The following C11orf65 variants were observed in gnomAD, a reference collection of about 807,000 sequenced individuals.
C11orf65 encodes chromosome 11 open reading frame 65.
A neutral mutation model predicts 35.3 loss-of-function variants in C11orf65; 38 were observed. The observed-to-expected ratio is 1.08, with a 90% CI of 0.83 to 1.41. The LOEUF is 1.41. C11orf65 is among the 40% of genes most tolerant of loss of function. The pLI, the probability that C11orf65 is intolerant of heterozygous loss-of-function variation, is 0.00. For missense variants in C11orf65, 370 were observed against 367.1 expected (o/e 1.01, Z -0.06); for synonymous variants, 105 against 114.4 (o/e 0.92, Z 0.53).
intron 2 of C11orf65, chr11:108,368,338 G>A (rs2091439851): frequency 4.9e-6 from 1 of 202,470 alleles, no homozygotes; most frequent in Non-Finnish European, 1.0e-5. Flanking sequence ...TTCTGCAAAT[G>A]ACTAAGATAG....
intron 2 of C11orf65, among the ~76,000 whole-genome samples, chr11:108,452,897 A>T (rs2093366909): frequency 6.6e-6 from 1 of 151,454 alleles, no homozygotes; most frequent in South Asian, 2.1e-4. Context: ...AACTATCACA[A>T]GGACAGAAAA....
chr11:108,446,822 A>T (rs2093269261), intron 2 of C11orf65, among the ~76,000 whole-genome samples: 1 of 152,206 alleles, frequency 6.6e-6, no homozygotes, highest in Non-Finnish European at 1.5e-5. Flanking sequence ...GCTCCAATTA[A>T]AAGACACAGA....
In C11orf65 at chr11:108,366,735, C is replaced by T. The variant is rs187308124; in HGVS notation, c.226+26473G>A. On this transcript the variant is annotated intron_variant, in intron 2 of 3. Transcript: ENST00000524755. ...GGCCAAGGCAAACACACTTCCTCCT[C>T]ATCTCCTTGTGCTAGTGGGCAGAAT... is the stretch of plus-strand genomic sequence containing the variant. 2.2e-5 allele frequency: 5 copies of T among 231,190 alleles called. No individual in the cohort carries two copies. The East Asian group carries it at 3.1e-4, about 14-fold the overall frequency. The allele number at this position is 231,190 out of a possible 1,614,324, so 14.3% of individuals were successfully genotyped here. A position where few individuals can be genotyped will look rare whatever the true frequency, so the allele number is the denominator to read the frequency against.
chr11:108,368,288 CAA>C (rs765253087), intron 2 of C11orf65: 1,299 of 95,504 alleles, frequency 0.014, no homozygotes, highest in Middle Eastern at 0.039. Flanking sequence ...GACTCTGCCT[CAA>C]AAAAAAAAAA....
chr11:108,425,579 C>T (rs911563773), intron 3 of C11orf65, among the ~76,000 whole-genome samples: 5 of 152,288 alleles, frequency 3.3e-5, no homozygotes, highest in African/African-American at 1.2e-4. Flanking sequence ...CAAAGAGGAG[C>T]TGGTACCATT....
At chr11:108,347,724 T>C in intron 2 of C11orf65, among the ~76,000 whole-genome samples, 1 of 152,108 alleles carries the variant, frequency 6.6e-6, no homozygotes, top group East Asian at 1.9e-4. Flanking sequence ...ATTAAATGTG[T>C]CTGGAGTGAA....
rs371638537 is a variant in C11orf65, at chr11:108,335,959, A to T, written c.227-667T>A. ...GAGGAAATTAACTATCTGTACTTAT[A>T]AGGTAACTATTTGTACTTCTGTTAG... On this transcript the variant is annotated intron_variant, in intron 2 of 3. Coordinates refer to the C11orf65 transcript ENST00000524755. 4.6e-5 allele frequency: 73 copies of T among 1,603,576 alleles called. 1 individual carries two copies. Among genetic ancestry groups the T allele is most frequent in the Non-Finnish European group, 6.0e-5 (70 of 1,170,652 alleles).
intron 2 of C11orf65, among the ~76,000 whole-genome samples, chr11:108,441,666 T>C (rs2093156704): frequency 6.6e-6 from 1 of 152,192 alleles, no homozygotes; most frequent in African/African-American, 2.4e-5. Flanking sequence ...CATTCTGCAA[T>C]ATTTGCTGTT....
intron 2 of C11orf65, among the ~76,000 whole-genome samples, chr11:108,374,298 G>A (rs1278467247): frequency 1.3e-5 from 2 of 152,184 alleles, no homozygotes; most frequent in Non-Finnish European, 2.9e-5. Context: ...AACTTCCAGA[G>A]GAACGATCAG....
At chr11:108,415,102 A>G (rs947829763) in intron 3 of C11orf65, among the ~76,000 whole-genome samples, 1 of 152,138 alleles carries the variant, frequency 6.6e-6, no homozygotes, top group Admixed American at 6.5e-5. Context: ...ATGTTTTCCT[A>G]CAAAGATGTC....
intron 1 of C11orf65, among the ~76,000 whole-genome samples, chr11:108,465,235 T>G (rs1055475674): frequency 6.6e-6 from 1 of 152,198 alleles, no homozygotes; most frequent in Non-Finnish European, 1.5e-5. Flanking sequence ...CTAAATAATT[T>G]TACACGGGCT....
At chr11:108,334,024 A>G (rs1032067628) in intron 3 of C11orf65, 2 of 1,347,168 alleles carry the variant, frequency 1.5e-6, no homozygotes, top group Non-Finnish European at 2.1e-6. Flanking sequence ...TATTAGATTG[A>G]ACCATTTGAA....
chr11:108,365,498 C>A lies in C11orf65; in HGVS notation c.226+27710G>T. On this transcript the variant is annotated intron_variant, in intron 2 of 3. Transcript: ENST00000524755. ...AGCCGACTTTTCCCAGGATGGAAAG[C>A]TTGGGTGTGATCTTCAGTATATGAA... 6.2e-7 allele frequency: 1 copy of A among 1,614,118 alleles called. No homozygotes were observed. The highest frequency in any genetic ancestry group is 2.2e-5 in the East Asian group (1 of 44,880).
intron 7 of C11orf65, among the ~76,000 whole-genome samples, chr11:108,386,848 G>A (rs902303386): frequency 2.0e-5 from 3 of 152,076 alleles, no homozygotes; most frequent in Non-Finnish European, 2.9e-5. Context: ...CTGGAAGGCC[G>A]AGGTGGGCGG....
In C11orf65 at chr11:108,333,915, A is replaced by T. The variant is rs747448699; in HGVS notation, c.299+1305T>A. The T allele has an allele frequency of 6.2e-7, 1 of 1,611,228 alleles. No individual in the cohort carries two copies. The highest frequency in any genetic ancestry group is 1.3e-5 in the African/African-American group (1 of 74,856). The stretch of plus-strand genomic sequence containing the variant: ...CATAAATATTCCAGCAGACCAGCCA[A>T]TTACTAAACTTAAGAATTTAGAAGA... On this transcript the variant is annotated intron_variant, in intron 3 of 3. Coordinates refer to the C11orf65 transcript ENST00000524755.
intron 8 of C11orf65, among the ~76,000 whole-genome samples, chr11:108,383,731 C>T (rs1201118248): frequency 6.6e-6 from 1 of 152,192 alleles, no homozygotes; most frequent in Admixed American, 6.5e-5. Context: ...TTCAATGTAT[C>T]ACCTTCACTG....
chr11:108,345,409 T>C (rs2088205398), intron 2 of C11orf65, among the ~76,000 whole-genome samples: 1 of 152,228 alleles, frequency 6.6e-6, no homozygotes, highest in African/African-American at 2.4e-5. Flanking sequence ...TGCAACCCAA[T>C]GCTGTGATGC....
At chr11:108,420,508 C>A (rs2092800411) in intron 3 of C11orf65, among the ~76,000 whole-genome samples, 1 of 152,134 alleles carries the variant, frequency 6.6e-6, no homozygotes, top group Non-Finnish European at 1.5e-5. Context: ...GTTGACCTAG[C>A]ATCACTGGAA....
At chr11:108,420,898 A>G (rs1382102645) in intron 3 of C11orf65, among the ~76,000 whole-genome samples, 1 of 152,092 alleles carries the variant, frequency 6.6e-6, no homozygotes, top group African/African-American at 2.4e-5. Flanking sequence ...TACAGGTGTG[A>G]GCTACCGCAC....
Sources: gnomAD v4.1 joint callset for allele counts (sites outside exome capture counted in the v4.1 genomes callset) on GRCh38, gnomAD v4.1.1 for gene constraint, MANE v1.5 for transcripts, NCBI Gene and HGNC (gene_info 2026-07-23, HGNC 2026-07-21) for gene names.